MYOM1: variants seen among roughly 807,000 people sequenced by gnomAD.
MYOM1 encodes myomesin 1.
A neutral mutation model predicts 205.3 loss-of-function variants in MYOM1; 164 were observed. The ratio of observed to expected loss-of-function variants is 0.80; its 90% CI spans 0.70 to 0.91. The LOEUF (loss-of-function observed/expected upper bound fraction) is 0.91. Among genes scored for constraint, MYOM1 ranks in the 40% least tolerant of loss-of-function variants. The pLI is 0.00. For missense variants in MYOM1, 2,011 were observed against 2,127.3 expected (o/e 0.95, Z 1.08); for synonymous variants, 772 against 789.4 (o/e 0.98, Z 0.37).
intron 5 of MYOM1, among the ~76,000 whole-genome samples, chr18:3,178,953 C>T (rs1050621655): frequency 3.3e-5 from 5 of 152,022 alleles, no homozygotes; most frequent in African/African-American, 4.8e-5. Context: ...CTGCAACCTC[C>T]ACCTCCCAGG....
At chr18:3,071,969 C>A in intron 36 of MYOM1, 80 bp from the exon 37 acceptor site, 4 of 1,246,706 alleles carry the variant, frequency 3.2e-6, no homozygotes, top group Non-Finnish European at 4.6e-6. Flanking sequence ...CAGGAAGCTA[C>A]ATTTCCAATT....
At chr18:3,221,869 T>A (rs2081333417), upstream of MYOM1, among the ~76,000 whole-genome samples, 1 of 152,184 alleles carries the variant, frequency 6.6e-6, no homozygotes, top group South Asian at 2.1e-4. Context: ...TTTCCAAGTG[T>A]TATGTTCCCC....
At position 3,094,194 on chromosome 18, in the gene MYOM1, G is replaced by C; in HGVS notation, c.3840C>G (p.Asn1280Lys). The change falls in exon 26 of 38, where the codon AAC becomes AAG. Residue 1280 changes from asparagine (N) to lysine (K), a missense_variant. By Grantham distance (94) the Asn-to-Lys change is moderately conservative (BLOSUM62 0). Coordinates refer to ENST00000356443, the MANE Select transcript of MYOM1 (RefSeq NM_003803.4). ...SGNAKVNYIF[N>K]EKEIFEGPKY... Reference sequence around the variant, plus strand: ...CCGGGCCTTCAAAAATTTCCTTCTCGTTAAATATGTAGTTGACTTTGGCAT... The same window carrying C: ...CCGGGCCTTCAAAAATTTCCTTCTCCTTAAATATGTAGTTGACTTTGGCAT... 6.2e-7 allele frequency: 1 copy of C among 1,613,826 alleles called. No homozygotes were observed.
chr18:3,137,711 T>C (rs1480331162), intron 14 of MYOM1, among the ~76,000 whole-genome samples: 3 of 152,130 alleles, frequency 2.0e-5, no homozygotes, highest in Non-Finnish European at 4.4e-5. Context: ...GGCACAAAAA[T>C]ACAATTAGAA....
In MYOM1 at chr18:3,183,024, C is replaced by T. The variant is rs554002577; in HGVS notation, c.929+4456G>A. Reference sequence around the variant, plus strand: ...AGCTCACCGCAACCTCCGCCTTCCGCGTTCCATCGATTCTCCTGCCTCAGC... The same window carrying T: ...AGCTCACCGCAACCTCCGCCTTCCGTGTTCCATCGATTCTCCTGCCTCAGC... On this transcript the variant is annotated intron_variant, in intron 5 of 37. Coordinates refer to ENST00000356443, the MANE Select transcript of MYOM1 (RefSeq NM_003803.4). Among the ~76,000 whole-genome samples the T allele has an allele frequency of 2.7e-5, 4 of 150,860 alleles. No homozygotes were observed. In the South Asian group the frequency reaches 6.3e-4, roughly 24 times the overall value.
At chr18:3,199,328 G>C (rs1213460825) in intron 2 of MYOM1, among the ~76,000 whole-genome samples, 1 of 152,162 alleles carries the variant, frequency 6.6e-6, no homozygotes, top group Non-Finnish European at 1.5e-5. Flanking sequence ...CAGGCTTGGG[G>C]CAAGCAGCAG....
At chr18:3,161,515 G>A (rs540640357) in intron 10 of MYOM1, among the ~76,000 whole-genome samples, 2 of 152,310 alleles carry the variant, frequency 1.3e-5, no homozygotes, top group East Asian at 3.9e-4. Flanking sequence ...GAAGTGATGA[G>A]GGCAATTCGG....
chr18:3,164,881 G>T (rs560229965), intron 9 of MYOM1, among the ~76,000 whole-genome samples: 1 of 152,214 alleles, frequency 6.6e-6, no homozygotes, highest in East Asian at 1.9e-4. Context: ...ATAAGATATT[G>T]CTGTCTGCTT....
At chr18:3,148,246 A>G (rs1036864474) in intron 13 of MYOM1, among the ~76,000 whole-genome samples, 1 of 152,244 alleles carries the variant, frequency 6.6e-6, no homozygotes, top group Non-Finnish European at 1.5e-5. Context: ...TTTACACAAG[A>G]CATAAATGAA....
In MYOM1 at chr18:3,150,802, A is replaced by G. The variant is rs75223669; in HGVS notation, c.1843+892T>C. On this transcript the variant is annotated intron_variant, in intron 12 of 37. Transcript: ENST00000356443. ...TGACATTAAGACTTGGAGACTACAT[A>G]TATTAAAAGATTATTATTATTGTTA... Among the ~76,000 whole-genome samples, 1,104 of 152,144 alleles carry G rather than the reference A, an allele frequency of 7.3e-3. 16 individuals carry two copies. The highest frequency in any genetic ancestry group is 0.027 in the Middle Eastern group (8 of 294).
rs115872969 is a variant in MYOM1 at position 3,123,812 on chromosome 18, A to C, written c.2991+2889T>G. Among the ~76,000 whole-genome samples the C allele has an allele frequency of 3.8e-3, 457 of 121,184 alleles. 7 individuals are homozygous for C. The highest frequency in any genetic ancestry group is 0.014 in the African/African-American group (421 of 29,178). 79.5% of individuals were successfully genotyped at this position (121,184 alleles called of 152,430 possible). A position where few individuals can be genotyped will look rare whatever the true frequency, so the allele number is the denominator to read the frequency against. Reference sequence around the variant, plus strand: ...GTCATCAACTTTACTATAAAGCTATAATTTATTTTTATTTATTTATTTTTT... The same window carrying C: ...GTCATCAACTTTACTATAAAGCTATCATTTATTTTTATTTATTTATTTTTT... On this transcript the variant is annotated intron_variant, in intron 19 of 37. Coordinates refer to ENST00000356443, the MANE Select transcript of MYOM1 (RefSeq NM_003803.4).
chr18:3,203,170 T>C (rs903280593), intron 2 of MYOM1, among the ~76,000 whole-genome samples: 2 of 151,344 alleles, frequency 1.3e-5, no homozygotes, highest in Non-Finnish European at 3.0e-5. Context: ...CATATATAGC[T>C]TTAAGTGTTT....
At chr18:3,193,361 T>TACATATATATATATATACACAC (rs1598758731) in intron 3 of MYOM1, among the ~76,000 whole-genome samples, 1 of 135,882 alleles carries the variant, frequency 7.4e-6, no homozygotes, top group African/African-American at 3.0e-5. Context: ...TATATATATA[T>TACATATATATATATATACACAC]ACACACACAC....
In MYOM1 at chr18:3,152,768, CA is replaced by C. The variant is rs1411095664; in HGVS notation, c.1644-876del. Among the ~76,000 whole-genome samples, 115 of 152,228 alleles carry C rather than the reference CA, an allele frequency of 7.6e-4. 1 individual carries two copies. Among genetic ancestry groups the C allele is most frequent in the African/African-American group, 2.7e-3 (112 of 41,520 alleles). Reference sequence around the variant, plus strand: ...CTCTATGTCCAAAATGTGTAATTCCCAAATGATTCTCAGGGGCGTGGGGGTT... The same window carrying C: ...CTCTATGTCCAAAATGTGTAATTCCCAATGATTCTCAGGGGCGTGGGGGTT... On this transcript the variant is annotated intron_variant, in intron 11 of 37. Coordinates refer to ENST00000356443, the MANE Select transcript of MYOM1 (RefSeq NM_003803.4). The surrounding 1 kb of genome is among the most constrained non-coding windows in gnomAD (Gnocchi z 4.3).
upstream of MYOM1, among the ~76,000 whole-genome samples, chr18:3,223,044 G>A (rs1443908779): frequency 6.6e-6 from 1 of 151,998 alleles, no homozygotes; most frequent in East Asian, 1.9e-4. Context: ...CACAACACCT[G>A]GCTAATGTTT....
intron 2 of MYOM1, among the ~76,000 whole-genome samples, chr18:3,213,947 G>C (rs1231818573): frequency 6.6e-6 from 1 of 152,158 alleles, no homozygotes. Context: ...CTGCGTCTAA[G>C]CTCCACTCTT....
chr18:3,139,477 G>A (rs2143931290), intron 14 of MYOM1, among the ~76,000 whole-genome samples: 1 of 152,338 alleles, frequency 6.6e-6, no homozygotes, highest in Non-Finnish European at 1.5e-5. Flanking sequence ...AGAAGAACAA[G>A]CACAGCGGTG....
chr18:3,129,464 T>G lies in MYOM1; in HGVS notation c.2562A>C (p.Leu854=), dbSNP rs775574655. 1.5e-5 allele frequency: 25 copies of G among 1,613,806 alleles called. No homozygotes were observed. The highest frequency in any genetic ancestry group is 2.7e-5 in the African/African-American group (2 of 74,924). The part of the protein sequence containing the change: ...CPALSDEPGG[L]TASRGRVHEA... ...CATGCACGCGCCCCCTGGAGGCGGT[T>G]AGTCCACCAGGCTCATCGCTCAGTG... The change falls in exon 18 of 38, where the codon CTA becomes CTC. Residue 854 remains leucine (L), a synonymous_variant. Coordinates refer to ENST00000356443, the MANE Select transcript of MYOM1 (RefSeq NM_003803.4).
At chr18:3,230,726 C>T in the MYOM1 span, among the ~76,000 whole-genome samples, 9 of 152,222 alleles carry the variant, frequency 5.9e-5, no homozygotes, top group African/African-American at 2.2e-4. Context: ...GGTATTTAAA[C>T]CCCGGAAAAT....
Sources: allele counts gnomAD v4.1 joint callset (sites outside exome capture counted in the v4.1 genomes callset), GRCh38; gene constraint gnomAD v4.1.1; non-coding constraint Gnocchi (gnomAD v3.1); transcripts MANE v1.5; gene names NCBI Gene and HGNC (gene_info 2026-07-23, HGNC 2026-07-21).